PPM1E: variants seen among roughly 807,000 people sequenced by gnomAD.
The protein encoded by PPM1E is protein phosphatase, Mg2+/Mn2+ dependent 1E.
PPM1E carries 20 observed loss-of-function variants against 65.9 expected under a neutral mutation model. The ratio of observed to expected loss-of-function variants is 0.30; its 90% CI spans 0.21 to 0.44. PPM1E has a LOEUF of 0.44. Ranked by LOEUF, PPM1E falls within the 20% of genes least tolerant of loss-of-function variation. PPM1E has a pLI of 1.00. For synonymous variants in PPM1E, 352 were observed against 374.9 expected, an observed-to-expected ratio of 0.94 and a Z score of 0.70; for missense variants, 713 against 953.1, an observed-to-expected ratio of 0.75 and a Z score of 3.32.
chr17:58,837,006 C>T (rs1420212066), intron 1 of PPM1E, among the ~76,000 whole-genome samples: 1 of 125,464 alleles, frequency 8.0e-6, no homozygotes, highest in Non-Finnish European at 1.6e-5. Context: ...GGCGACAGAG[C>T]GAAACTCCGT....
intron 1 of PPM1E, among the ~76,000 whole-genome samples, chr17:58,775,241 A>G (rs918344014): frequency 6.6e-5 from 10 of 152,168 alleles, no homozygotes; most frequent in Non-Finnish European, 1.0e-4. Flanking sequence ...TTTTACATAC[A>G]TTAATTCATT....
intron 1 of PPM1E, among the ~76,000 whole-genome samples, chr17:58,876,877 G>A (rs560506877): frequency 6.7e-4 from 102 of 152,176 alleles, no homozygotes; most frequent in Non-Finnish European, 1.0e-3. Flanking sequence ...TCCGCCTCCC[G>A]GTTTGGGGCC....
rs71367639 is a variant in PPM1E at position 58,879,501 on chromosome 17, C to CTTTT, written c.465-76125_465-76122dup. ...AAAAAAGATTAGGTGCTGAGATTAACTTTTTTTTTTTTTTTTTTTTTTTTT... is the reference window on the plus strand; with the variant it reads ...AAAAAAGATTAGGTGCTGAGATTAACTTTTTTTTTTTTTTTTTTTTTTTTTTTTT... On this transcript the variant is annotated intron_variant, in intron 1 of 6. Transcript: ENST00000308249. 2.6e-3 allele frequency among the ~76,000 whole-genome samples: 228 copies of CTTTT among 88,810 alleles called. 16 individuals carry two copies. The highest frequency in any genetic ancestry group is 8.2e-3 in the African/African-American group (179 of 21,882). The allele number at this position is 88,810 out of a possible 152,430, so 58.3% of individuals were successfully genotyped here. A position where few individuals can be genotyped will look rare whatever the true frequency, so the allele number is the denominator to read the frequency against.
chr17:58,818,147 A>G (rs1290361744), intron 1 of PPM1E, among the ~76,000 whole-genome samples: 6 of 151,886 alleles, frequency 4.0e-5, no homozygotes, highest in Admixed American at 2.6e-4. Context: ...ACAGTACTTA[A>G]TAGCAGTTAA....
At chr17:58,936,071 T>C (rs1177978293) in intron 1 of PPM1E, among the ~76,000 whole-genome samples, 1 of 151,766 alleles carries the variant, frequency 6.6e-6, no homozygotes, top group African/African-American at 2.4e-5. Context: ...AGTCCTTTGG[T>C]AGATTACATT....
At position 58,982,560 on chromosome 17, in the gene PPM1E, C is replaced by CT. The variant is rs1567903226; in HGVS notation, c.*1530dup. The CT allele has an allele frequency of 4.2e-6, 1 of 238,252 alleles. No homozygotes were observed. Among genetic ancestry groups the CT allele is most frequent in the African/African-American group, 2.3e-5 (1 of 43,726 alleles). The allele number at this position is 238,252 out of a possible 1,614,324, so 14.8% of individuals were successfully genotyped here. ...GGCCCATAACAGAGGACTAAAATCT[C>CT]TGAATTTTAAAGACACAGATGACTG... On this transcript the variant is annotated 3_prime_UTR_variant, in exon 7 of 7. Transcript: ENST00000308249.
At chr17:58,883,147 G>A (rs546424157) in intron 1 of PPM1E, among the ~76,000 whole-genome samples, 42 of 151,182 alleles carry the variant, frequency 2.8e-4, no homozygotes, top group African/African-American at 9.9e-4. Context: ...TAGTTGAGAC[G>A]GAGTTTCACC....
intron 1 of PPM1E, among the ~76,000 whole-genome samples, chr17:58,826,476 A>T (rs1390268190): frequency 1.3e-5 from 2 of 152,222 alleles, no homozygotes; most frequent in Non-Finnish European, 2.9e-5. Flanking sequence ...AACTTCAAAG[A>T]TAAACTATAT....
Position 58,980,370 on chromosome 17 carries a change from C to T in PPM1E, c.1607C>T (p.Ala536Val). ...KRPWPQHQCS[A>V]PADLGYDGRV... ...CCTTGGCCTCAGCACCAGTGCTCAGCACCAGCCGACCTAGGCTATGATGGG... is the reference window on the plus strand; with the variant it reads ...CCTTGGCCTCAGCACCAGTGCTCAGTACCAGCCGACCTAGGCTATGATGGG... Residue 536 changes from alanine to valine, a missense_variant, in exon 7 of 7, where the codon GCA becomes GTA. Ala to Val is a moderately conservative substitution (Grantham distance 64). Coordinates refer to ENST00000308249, the MANE Select transcript of PPM1E (RefSeq NM_014906.5). This position sits in a 1 kb window ranked among gnomAD's most constrained non-coding sequence, Gnocchi z 4.7. 2 of 1,614,172 alleles carry T rather than the reference C, an allele frequency of 1.2e-6. No individual in the cohort carries two copies. The highest frequency in any genetic ancestry group is 2.2e-5 in the East Asian group (1 of 44,890).
At chr17:58,949,439 G>A (rs1340483542) in intron 1 of PPM1E, among the ~76,000 whole-genome samples, 3 of 151,980 alleles carry the variant, frequency 2.0e-5, no homozygotes, top group Admixed American at 2.0e-4. Context: ...TCTTGTTTTT[G>A]TTTTTGTTTG....
intron 1 of PPM1E, among the ~76,000 whole-genome samples, chr17:58,787,900 C>G (rs1428792585): frequency 3.0e-5 from 4 of 133,948 alleles, no homozygotes; most frequent in Non-Finnish European, 4.8e-5. Context: ...GAGTAAGACT[C>G]TGTCTAAAAA....
chr17:58,856,503 G>A (rs2050884125), intron 1 of PPM1E, among the ~76,000 whole-genome samples: 1 of 152,142 alleles, frequency 6.6e-6, no homozygotes, highest in African/African-American at 2.4e-5. Flanking sequence ...AAGAGAAAAT[G>A]CACTACCTGA....
chr17:58,958,216 T>A (rs138460086), intron 2 of PPM1E, among the ~76,000 whole-genome samples: 1,523 of 151,746 alleles, frequency 0.01, 61 homozygotes, highest in Admixed American at 0.069. Context: ...TTATTTATTT[T>A]TTTTTTTAGA....
chr17:58,969,167 G>A (rs1257782568), intron 3 of PPM1E, among the ~76,000 whole-genome samples: 1 of 152,138 alleles, frequency 6.6e-6, no homozygotes, highest in East Asian at 1.9e-4. Context: ...ATCTGGAGCT[G>A]CTTTTGTTCA....
intron 1 of PPM1E, 60 bp downstream of exon 1, chr17:58,756,521 C>T: frequency 7.9e-7 from 1 of 1,259,098 alleles, no homozygotes. Context: ...CGGCCTCGGA[C>T]GCGGCTCCCT....
chr17:58,863,380 C>T (rs1197967480), intron 1 of PPM1E, among the ~76,000 whole-genome samples: 5 of 152,230 alleles, frequency 3.3e-5, no homozygotes, highest in Non-Finnish European at 7.3e-5. Context: ...AATGCTGGAA[C>T]GAGCCGGCCA....
At chr17:58,862,461 A>T (rs2050952362) in intron 1 of PPM1E, among the ~76,000 whole-genome samples, 1 of 152,164 alleles carries the variant, frequency 6.6e-6, no homozygotes. Flanking sequence ...TTCCCTAAGA[A>T]TTTTACTTAC....
chr17:58,783,908 G>A (rs764368589), intron 1 of PPM1E, among the ~76,000 whole-genome samples: 1 of 150,946 alleles, frequency 6.6e-6, no homozygotes, highest in Non-Finnish European at 1.5e-5. Flanking sequence ...ACAGGGTTTC[G>A]ACATGCTGGC....
At chr17:58,943,881 T>C (rs2052108051) in intron 1 of PPM1E, among the ~76,000 whole-genome samples, 1 of 152,222 alleles carries the variant, frequency 6.6e-6, no homozygotes, top group Non-Finnish European at 1.5e-5. Context: ...ATATATACCC[T>C]GAGCACTAGA....
Sources: gnomAD v4.1 joint callset for allele counts (sites outside exome capture counted in the v4.1 genomes callset) on GRCh38, gnomAD v4.1.1 for gene constraint, Gnocchi (gnomAD v3.1) non-coding constraint, MANE v1.5 for transcripts, NCBI Gene and HGNC (gene_info 2026-07-23, HGNC 2026-07-21) for gene names.